The following COL26A1 variants were observed in gnomAD, a reference collection of about 807,000 sequenced individuals.
COL26A1 encodes the protein collagen type XXVI alpha 1 chain, also known as collagen alpha-1(XXVI) chain.
A neutral mutation model predicts 59.3 loss-of-function variants in COL26A1; 41 were observed. The ratio of observed to expected loss-of-function variants is 0.69; its 90% CI spans 0.54 to 0.90. The LOEUF (loss-of-function observed/expected upper bound fraction) is 0.90. COL26A1 is among the 40% of genes least tolerant of loss of function. COL26A1 has a pLI of 0.00. For synonymous variants in COL26A1, 266 were observed against 256.0 expected, an observed-to-expected ratio of 1.04 and a Z score of -0.37; for missense variants, 612 against 602.3, an observed-to-expected ratio of 1.02 and a Z score of -0.17.
At chr7:101,475,892 CTTTCTCTCTCTT>C (rs751677253) in intron 3 of COL26A1, among the ~76,000 whole-genome samples, 2,889 of 141,504 alleles carry the variant, frequency 0.02, 125 homozygotes, top group African/African-American at 0.072. Context: ...CTCTCTCTTT[CTTTCTCTCTCTT>C]TCTCTCTCTC....
At chr7:101,382,968 G>A (rs568680409) in intron 1 of COL26A1, among the ~76,000 whole-genome samples, 3 of 152,272 alleles carry the variant, frequency 2.0e-5, no homozygotes, top group South Asian at 2.1e-4. Flanking sequence ...CTTGAGCCCC[G>A]GAGGCAGAGG....
rs147935386 is a variant in COL26A1, at chr7:101,417,692, A to G, written c.159-2285A>G. ...TATATCTCTATATCTAGACATAGAT[A>G]TAGAGATATATCTATAGATATCTAT... On this transcript the variant is annotated intron_variant, in intron 1 of 12. Transcript: ENST00000313669. Among the ~76,000 whole-genome samples the G allele has an allele frequency of 1.8e-3, 197 of 108,170 alleles. 1 individual carries two copies. The highest frequency in any genetic ancestry group is 5.5e-3 in the African/African-American group (195 of 35,646). 71.0% of individuals were successfully genotyped at this position (108,170 alleles called of 152,430 possible). A position where few individuals can be genotyped will look rare whatever the true frequency, so the allele number is the denominator to read the frequency against.
chr7:101,528,960 G>T (rs1795309136), intron 3 of COL26A1, among the ~76,000 whole-genome samples: 1 of 152,100 alleles, frequency 6.6e-6, no homozygotes, highest in African/African-American at 2.4e-5. Flanking sequence ...GAGGTCAGGA[G>T]TTCGAGACCA....
chr7:101,386,123 A>G (rs1352373602), intron 1 of COL26A1, among the ~76,000 whole-genome samples: 1 of 152,142 alleles, frequency 6.6e-6, no homozygotes, highest in Non-Finnish European at 1.5e-5. Context: ...GGATGTCCGA[A>G]GTAGAAGGCT....
chr7:101,541,780 C>T (rs1362402505), intron 5 of COL26A1, among the ~76,000 whole-genome samples: 3 of 152,054 alleles, frequency 2.0e-5, no homozygotes, highest in East Asian at 1.9e-4. Flanking sequence ...TAGTTGCAAT[C>T]GATGAAGCCC....
At chr7:101,534,654 TACACACAC>T (rs3073378) in intron 4 of COL26A1, among the ~76,000 whole-genome samples, 9 of 147,524 alleles carry the variant, frequency 6.1e-5, no homozygotes, top group Non-Finnish European at 8.9e-5. Flanking sequence ...CACATACATA[TACACACAC>T]ACACACACAC....
At chr7:101,533,542 A>G (rs578121803) in intron 4 of COL26A1, among the ~76,000 whole-genome samples, 1 of 152,310 alleles carries the variant, frequency 6.6e-6, no homozygotes, top group East Asian at 1.9e-4. Context: ...ACTGCTGGGA[A>G]GTGACCAGCT....
At position 101,513,265 on chromosome 7, in the gene COL26A1, C is replaced by T. The variant is rs987822385; in HGVS notation, c.386-19817C>T. Reference sequence around the variant, plus strand: ...TCAAGTGATCCACCCTCCTTGGCCCCCCAAAGTGCTGGGATTACAGGCATA... The same window carrying T: ...TCAAGTGATCCACCCTCCTTGGCCCTCCAAAGTGCTGGGATTACAGGCATA... On this transcript the variant is annotated intron_variant, in intron 3 of 12. Transcript: ENST00000313669. Among the ~76,000 whole-genome samples the T allele has an allele frequency of 2.0e-5, 3 of 152,006 alleles. No homozygotes were observed. The East Asian group carries it at 5.8e-4, about 29-fold the overall frequency.
chr7:101,515,014 A>C (rs17135574), intron 3 of COL26A1, among the ~76,000 whole-genome samples: 4 of 152,074 alleles, frequency 2.6e-5, no homozygotes, highest in Non-Finnish European at 1.5e-5. Flanking sequence ...TCCCATCTGC[A>C]CCTTCGTGAG....
intron 1 of COL26A1, among the ~76,000 whole-genome samples, chr7:101,406,820 C>G (rs568483016): frequency 6.6e-6 from 1 of 152,176 alleles, no homozygotes; most frequent in African/African-American, 2.4e-5. Flanking sequence ...CATGGTGGCA[C>G]GCACTTGTAG....
intron 3 of COL26A1, among the ~76,000 whole-genome samples, chr7:101,484,748 C>T (rs1037012316): frequency 6.6e-6 from 1 of 150,980 alleles, no homozygotes; most frequent in Non-Finnish European, 1.5e-5. Flanking sequence ...TCACTACAAC[C>T]GTCACCTGGG....
intron 4 of COL26A1, among the ~76,000 whole-genome samples, chr7:101,534,045 GT>G (rs1420101829): frequency 6.6e-6 from 1 of 152,224 alleles, no homozygotes. Flanking sequence ...AGGCTCTGGT[GT>G]TTAGCCAGAG....
At chr7:101,486,330 C>A (rs374739138) in intron 3 of COL26A1, among the ~76,000 whole-genome samples, 2 of 152,232 alleles carry the variant, frequency 1.3e-5, no homozygotes, top group African/African-American at 2.4e-5. Context: ...ACGTCCCCCC[C>A]AACCCCACAG....
chr7:101,454,268 C>CTTT (rs58969139), intron 3 of COL26A1, among the ~76,000 whole-genome samples: 31,712 of 137,140 alleles, frequency 0.23, 3,957 homozygotes, highest in Non-Finnish European at 0.31. Context: ...TCTTTTCTTT[C>CTTT]TTTTTTTTTT....
chr7:101,392,942 G>A (rs558261255), intron 1 of COL26A1, among the ~76,000 whole-genome samples: 58 of 151,972 alleles, frequency 3.8e-4, no homozygotes, highest in African/African-American at 1.3e-3. Flanking sequence ...ATGGTAAAAG[G>A]GACTGTTCAG....
At chr7:101,524,707 A>G (rs1795205348) in intron 3 of COL26A1, among the ~76,000 whole-genome samples, 1 of 152,174 alleles carries the variant, frequency 6.6e-6, no homozygotes, top group African/African-American at 2.4e-5. Context: ...ACATGGTATC[A>G]CTTAATTTCT....
intron 2 of COL26A1, among the ~76,000 whole-genome samples, chr7:101,442,520 C>G (rs1425068793): frequency 6.6e-6 from 1 of 152,144 alleles, no homozygotes; most frequent in Non-Finnish European, 1.5e-5. Flanking sequence ...TGATTTCCTT[C>G]CTTATCTGCC....
Position 101,489,657 on chromosome 7 carries a change from C to CTT in COL26A1, c.385+41872_385+41873dup, listed in dbSNP as rs1484867725. ...TCTTTCTTTCTTTCTTTCTTTCTTT[C>CTT]TTTCTTCCTTCCTTCCTTCCTTCCT... On this transcript the variant is annotated intron_variant, in intron 3 of 12. Transcript: ENST00000313669. Among the ~76,000 whole-genome samples the CTT allele has an allele frequency of 2.4e-4, 17 of 69,558 alleles. 2 individuals are homozygous for CTT. In the South Asian group the frequency reaches 6.2e-3, roughly 25 times the overall value. 45.6% of individuals were successfully genotyped at this position (69,558 alleles called of 152,430 possible). A position where few individuals can be genotyped will look rare whatever the true frequency, so the allele number is the denominator to read the frequency against.
rs528519351 is a variant in COL26A1, at chr7:101,450,896, G to A, written c.385+3109G>A. Among the ~76,000 whole-genome samples the A allele has an allele frequency of 1.2e-3, 176 of 144,358 alleles. 1 individual carries two copies. The highest frequency in any genetic ancestry group is 2.0e-3 in the Non-Finnish European group (131 of 66,824). The allele number at this position is 144,358 out of a possible 152,430, so 94.7% of individuals were successfully genotyped here. On this transcript the variant is annotated intron_variant, in intron 3 of 12. Coordinates refer to ENST00000313669, the MANE Select transcript of COL26A1 (RefSeq NM_001278563.3). ...ACAATTCTATATGGATATTGAATGC[G>A]TTATTAATAATTTATATATTCCAGT...
Sources: allele counts gnomAD v4.1 joint callset (sites outside exome capture counted in the v4.1 genomes callset), GRCh38; gene constraint gnomAD v4.1.1; transcripts MANE v1.5; gene names NCBI Gene and HGNC (gene_info 2026-07-23, HGNC 2026-07-21).